IFNG-AS1: variants seen among roughly 807,000 people sequenced by gnomAD.
IFNG-AS1 encodes the protein IFNG regulatory antisense RNA 1.
In IFNG-AS1 at chr12:68,006,502, A is replaced by ATT. The variant is rs371653774; in HGVS notation, n.241+357_241+358dup. On this transcript the variant is annotated intron_variant and non_coding_transcript_variant, in intron 3 of 5. Transcript: ENST00000536914. ...AGGGATCAGACATACCCATTGCGCT[A>ATT]TTGTCTGGGAAGAATTCTAAGACAG... is the stretch of plus-strand genomic sequence containing the variant. 8.8e-3 allele frequency among the ~76,000 whole-genome samples: 1,340 copies of ATT among 152,230 alleles called. 8 individuals carry two copies. The highest frequency in any genetic ancestry group is 0.013 in the Non-Finnish European group (892 of 68,010).
intron 3 of IFNG-AS1, among the ~76,000 whole-genome samples, chr12:68,010,679 G>A (rs762743422): frequency 4.6e-5 from 7 of 152,144 alleles, no homozygotes; most frequent in Non-Finnish European, 1.0e-4. Flanking sequence ...TTTACAAAGT[G>A]GTAGTCAATG....
chr12:68,020,502 A>G (rs1051011631), intron 4 of IFNG-AS1: 15 of 152,336 alleles, frequency 9.8e-5, no homozygotes, highest in African/African-American at 3.6e-4. Context: ...TTGTCGCTGG[A>G]CTAAAAGTGG....
At chr12:68,008,994 T>C (rs1879966583) in intron 3 of IFNG-AS1, among the ~76,000 whole-genome samples, 2 of 152,208 alleles carry the variant, frequency 1.3e-5, no homozygotes, top group Admixed American at 1.3e-4. Context: ...CAGTTGAAAA[T>C]ACAACTTTTG....
chr12:68,012,504 G>A (rs2120467202), intron 3 of IFNG-AS1, among the ~76,000 whole-genome samples: 1 of 152,302 alleles, frequency 6.6e-6, no homozygotes, highest in African/African-American at 2.4e-5. Context: ...GAGAGGAAAG[G>A]AGAGTAAAGG....
intron 2 of IFNG-AS1, among the ~76,000 whole-genome samples, chr12:68,003,776 G>C (rs959032491): frequency 9.2e-5 from 14 of 151,962 alleles, no homozygotes; most frequent in Admixed American, 7.2e-4. Flanking sequence ...GCATGGTAGC[G>C]GGTGTCTGTA....
At chr12:68,003,457 T>A (rs1430309225) in intron 2 of IFNG-AS1, among the ~76,000 whole-genome samples, 1 of 151,068 alleles carries the variant, frequency 6.6e-6, no homozygotes, top group Non-Finnish European at 1.5e-5. Flanking sequence ...AGCACCTGAT[T>A]AACCTCCATG....
At chr12:68,012,451 G>T (rs1880054317) in intron 3 of IFNG-AS1, among the ~76,000 whole-genome samples, 1 of 152,188 alleles carries the variant, frequency 6.6e-6, no homozygotes, top group Non-Finnish European at 1.5e-5. Flanking sequence ...AATACACTAT[G>T]CTCAACCAGG....
At chr12:68,003,771 G>T (rs1033399027) in intron 2 of IFNG-AS1, among the ~76,000 whole-genome samples, 1 of 152,042 alleles carries the variant, frequency 6.6e-6, no homozygotes, top group Admixed American at 6.5e-5. Context: ...GCCGGGCATG[G>T]TAGCGGGTGT....
intron 2 of IFNG-AS1, among the ~76,000 whole-genome samples, chr12:68,003,334 C>A (rs1187021060): frequency 1.3e-5 from 2 of 151,428 alleles, no homozygotes; most frequent in Non-Finnish European, 2.9e-5. Context: ...TTTGGGAACA[C>A]AAATGGAGTT....
At chr12:67,997,992 G>A (rs1277794970) in intron 2 of IFNG-AS1, among the ~76,000 whole-genome samples, 1 of 151,988 alleles carries the variant, frequency 6.6e-6, no homozygotes, top group African/African-American at 2.4e-5. Context: ...TTAAAAATAT[G>A]GCAGTCATCT....
At chr12:68,009,134 A>ATT (rs1283997429) in intron 3 of IFNG-AS1, among the ~76,000 whole-genome samples, 1 of 152,198 alleles carries the variant, frequency 6.6e-6, no homozygotes, top group Non-Finnish European at 1.5e-5. Flanking sequence ...AACATCCTAC[A>ATT]TTGTAAGGTT....
At chr12:68,011,231 T>C (rs1200983749) in intron 3 of IFNG-AS1, among the ~76,000 whole-genome samples, 1 of 152,220 alleles carries the variant, frequency 6.6e-6, no homozygotes, top group East Asian at 1.9e-4. Context: ...TGTTTGGTGG[T>C]TCTTTGCCAC....
intron 2 of IFNG-AS1, among the ~76,000 whole-genome samples, chr12:68,000,025 T>C (rs997483530): frequency 1.8e-4 from 27 of 152,340 alleles, no homozygotes; most frequent in African/African-American, 6.3e-4. Context: ...ACCTTAATCA[T>C]AATCTGGATC....
chr12:68,009,869 G>T (rs1879987265), intron 3 of IFNG-AS1, among the ~76,000 whole-genome samples: 1 of 152,132 alleles, frequency 6.6e-6, no homozygotes, highest in South Asian at 2.1e-4. Context: ...ATTCAGTGCT[G>T]CAGTATTAAA....
chr12:68,003,421 C>T lies in IFNG-AS1; in HGVS notation n.185-2669C>T, dbSNP rs564830118. Among the ~76,000 whole-genome samples the T allele has an allele frequency of 2.2e-3, 284 of 126,638 alleles. 8 individuals are homozygous for T. In the East Asian group the frequency reaches 0.06, roughly 27 times the overall value. The allele number at this position is 126,638 out of a possible 152,430, so 83.1% of individuals were successfully genotyped here. On this transcript the variant is annotated intron_variant and non_coding_transcript_variant, in intron 2 of 5. Coordinates refer to ENST00000536914, the Ensembl canonical transcript of IFNG-AS1. Reference sequence around the variant, plus strand: ...TAGTTCATAGAAGCTAATCATATTCCCCCCTTTTTTTTTTTTTTTGCATTG... The same window carrying T: ...TAGTTCATAGAAGCTAATCATATTCTCCCCTTTTTTTTTTTTTTTGCATTG...
At chr12:67,997,677 G>C (rs1879675079) in intron 2 of IFNG-AS1, among the ~76,000 whole-genome samples, 1 of 150,480 alleles carries the variant, frequency 6.6e-6, no homozygotes, top group African/African-American at 2.4e-5. Context: ...AAATTTTAAT[G>C]CATGGCAAAA....
chr12:68,021,047 T>G (rs1880276551), intron 4 of IFNG-AS1: 1 of 152,158 alleles, frequency 6.6e-6, no homozygotes, highest in Non-Finnish European at 1.5e-5. Flanking sequence ...AAAATTCTCC[T>G]CCTAAGTGGC....
intron 2 of IFNG-AS1, among the ~76,000 whole-genome samples, chr12:67,997,092 A>G (rs1208509776): frequency 1.3e-5 from 2 of 152,140 alleles, no homozygotes; most frequent in Non-Finnish European, 2.9e-5. Flanking sequence ...TAATAACAAC[A>G]AAGAACATGA....
At chr12:67,995,519 G>A (rs919383784) in intron 1 of IFNG-AS1, among the ~76,000 whole-genome samples, 10 of 150,526 alleles carry the variant, frequency 6.6e-5, no homozygotes, top group Admixed American at 2.0e-4. Context: ...TCAGGAGATC[G>A]AGACCATCCT....
Sources: gnomAD v4.1 joint callset for allele counts (sites outside exome capture counted in the v4.1 genomes callset) on GRCh38, gnomAD v4.1.1 for gene constraint, MANE v1.5 for transcripts, NCBI Gene and HGNC (gene_info 2026-07-23, HGNC 2026-07-21) for gene names.